Variants in AGBL4 observed in about 807,000 individuals in gnomAD.
The protein encoded by AGBL4 is cytosolic carboxypeptidase 6.
AGBL4 carries 58 observed loss-of-function variants against 66.4 expected under a neutral mutation model. That is an observed-to-expected ratio of 0.87 (90% CI 0.71 to 1.09). The LOEUF is 1.09. Among genes scored for constraint, AGBL4 ranks in the 50% least tolerant of loss-of-function variants. The pLI, the probability that AGBL4 is intolerant of heterozygous loss-of-function variation, is 0.00. For missense variants in AGBL4, 579 were observed against 631.0 expected (o/e 0.92, Z 0.88); for synonymous variants, 234 against 222.9 (o/e 1.05, Z -0.44).
intron 5 of AGBL4, among the ~76,000 whole-genome samples, chr1:49,011,708 G>T (rs1264762970): frequency 1.3e-5 from 2 of 152,036 alleles, no homozygotes; most frequent in Non-Finnish European, 2.9e-5. Context: ...GCCATAAAAA[G>T]TGATGAGTTC....
intron 5 of AGBL4, among the ~76,000 whole-genome samples, chr1:48,953,998 C>T (rs1023830256): frequency 2.0e-5 from 3 of 152,142 alleles, no homozygotes; most frequent in African/African-American, 7.2e-5. Flanking sequence ...ATGAGTAGTA[C>T]GATTGTTCTA....
chr1:49,352,775 T>G (rs2148522513), intron 3 of AGBL4, among the ~76,000 whole-genome samples: 1 of 152,326 alleles, frequency 6.6e-6, no homozygotes, highest in Admixed American at 6.5e-5. Context: ...TTTAGACATG[T>G]TACTGCTAAT....
chr1:49,636,042 G>C (rs775059168), intron 3 of AGBL4, among the ~76,000 whole-genome samples: 2 of 152,136 alleles, frequency 1.3e-5, no homozygotes, highest in Non-Finnish European at 2.9e-5. Context: ...TTCTAGGGCT[G>C]CACTCTAGGG....
chr1:49,838,506 T>A (rs1645909528), intron 2 of AGBL4, among the ~76,000 whole-genome samples: 1 of 152,210 alleles, frequency 6.6e-6, no homozygotes, highest in Non-Finnish European at 1.5e-5. Context: ...AATAGTCAAA[T>A]GACCTGCACA....
intron 3 of AGBL4, among the ~76,000 whole-genome samples, chr1:49,629,596 C>T (rs773875303): frequency 7.2e-5 from 11 of 152,118 alleles, no homozygotes; most frequent in East Asian, 1.9e-4. Flanking sequence ...CAGAAACCTC[C>T]GCTCTAACAG....
intron 3 of AGBL4, among the ~76,000 whole-genome samples, chr1:49,395,900 C>T (rs1348692870): frequency 1.4e-5 from 2 of 143,338 alleles, no homozygotes; most frequent in African/African-American, 5.2e-5. Flanking sequence ...TATCAGTGGT[C>T]CTCCCCAAGC....
At chr1:49,117,543 T>C (rs1645553100) in intron 4 of AGBL4, among the ~76,000 whole-genome samples, 1 of 152,160 alleles carries the variant, frequency 6.6e-6, no homozygotes, top group South Asian at 2.1e-4. Flanking sequence ...TGTGTGGTGT[T>C]ATTTCTGAGG....
intron 2 of AGBL4, among the ~76,000 whole-genome samples, chr1:49,790,430 T>G (rs1448744354): frequency 6.7e-6 from 1 of 150,084 alleles, no homozygotes; most frequent in Non-Finnish European, 1.5e-5. Flanking sequence ...CAAAAACAAG[T>G]TCAATCTATG....
chr1:49,581,419 A>G (rs1382325916), intron 3 of AGBL4, among the ~76,000 whole-genome samples: 1 of 152,006 alleles, frequency 6.6e-6, no homozygotes, highest in Non-Finnish European at 1.5e-5. Context: ...CTCATTTTTT[A>G]TGTTTTTCCT....
At chr1:49,258,030 G>A (rs12405917) in intron 3 of AGBL4, among the ~76,000 whole-genome samples, 50,524 of 152,014 alleles carry the variant, frequency 0.33, 8,930 homozygotes, top group East Asian at 0.72. Context: ...TGCAGACCCC[G>A]CTGCTGATAG....
chr1:48,929,815 TTC>T (rs1174156346), intron 5 of AGBL4, among the ~76,000 whole-genome samples: 10 of 152,182 alleles, frequency 6.6e-5, no homozygotes, highest in African/African-American at 2.2e-4. Flanking sequence ...ACTCATTTCT[TTC>T]TTTCTTTCAT....
chr1:49,556,800 G>T (rs1643912611), intron 3 of AGBL4, among the ~76,000 whole-genome samples: 1 of 152,074 alleles, frequency 6.6e-6, no homozygotes, highest in Non-Finnish European at 1.5e-5. Context: ...CAAGGGGTGG[G>T]CATGAGGGCT....
At chr1:48,839,803 A>G (rs1208651720) in intron 6 of AGBL4, among the ~76,000 whole-genome samples, 1 of 152,074 alleles carries the variant, frequency 6.6e-6, no homozygotes, top group Non-Finnish European at 1.5e-5. Flanking sequence ...TTCACCATAC[A>G]TCTCTGCTCT....
chr1:49,706,053 C>T (rs1211520068), intron 2 of AGBL4, among the ~76,000 whole-genome samples: 1 of 152,084 alleles, frequency 6.6e-6, no homozygotes, highest in Non-Finnish European at 1.5e-5. Context: ...CAAGATGAGG[C>T]TGGACTCATA....
rs111319710 is a variant in AGBL4 at position 49,122,905 on chromosome 1, G to A, written c.378-77105C>T. 1.7e-3 allele frequency among the ~76,000 whole-genome samples: 257 copies of A among 152,274 alleles called. 1 individual carries two copies. The highest frequency in any genetic ancestry group is 5.8e-3 in the African/African-American group (241 of 41,540). On this transcript the variant is annotated intron_variant, in intron 4 of 13. Coordinates refer to ENST00000371839, the MANE Select transcript of AGBL4 (RefSeq NM_032785.4). ...GTCTCACTCTGTCACCCAGGGTGGA[G>A]TGCAGTGGTGCGATCTCGGCTCACT...
intron 2 of AGBL4, among the ~76,000 whole-genome samples, chr1:49,782,230 A>G (rs146560904): frequency 7.1e-4 from 108 of 152,238 alleles, no homozygotes; most frequent in African/African-American, 2.5e-3. Flanking sequence ...TAGAATGACC[A>G]AGAAAGAACA....
intron 2 of AGBL4, among the ~76,000 whole-genome samples, chr1:49,815,972 C>T (rs79570920): frequency 0.011 from 1,623 of 152,130 alleles, 12 homozygotes; most frequent in Admixed American, 0.018. Context: ...CTCACTGCAG[C>T]CTCAAGCTCC....
intron 4 of AGBL4, among the ~76,000 whole-genome samples, chr1:49,183,641 C>T (rs1646967161): frequency 6.6e-6 from 1 of 152,194 alleles, no homozygotes; most frequent in Non-Finnish European, 1.5e-5. Context: ...TCCACCCACA[C>T]AATAGATGCA....
At chr1:49,657,856 T>C (rs1646177603) in intron 3 of AGBL4, among the ~76,000 whole-genome samples, 1 of 152,120 alleles carries the variant, frequency 6.6e-6, no homozygotes, top group East Asian at 1.9e-4. Context: ...CAAAAATTAA[T>C]TCAAGATGGA....
Sources: gnomAD v4.1 joint callset for allele counts (sites outside exome capture counted in the v4.1 genomes callset) on GRCh38, gnomAD v4.1.1 for gene constraint, MANE v1.5 for transcripts, NCBI Gene and HGNC (gene_info 2026-07-23, HGNC 2026-07-21) for gene names.